DAB1: variants seen among roughly 807,000 people sequenced by gnomAD.
DAB1 encodes disabled homolog 1.
In DAB1, 15 loss-of-function variants were observed where a neutral mutation model predicts 64.6. The ratio of observed to expected loss-of-function variants is 0.23; its 90% confidence interval spans 0.16 to 0.36. The LOEUF (loss-of-function observed/expected upper bound fraction) is 0.36, where lower values mean the gene tolerates loss of function less well. DAB1 is among the 10% of genes least tolerant of loss of function. The pLI, the probability that DAB1 is intolerant of heterozygous loss-of-function variation, is 1.00. For synonymous variants in DAB1, 235 were observed against 251.9 expected (o/e 0.93, Z 0.64); for missense variants, 596 against 706.7 (o/e 0.84, Z 1.78).
intron 4 of DAB1, among the ~76,000 whole-genome samples, chr1:58,209,309 T>A (rs955921046): frequency 6.6e-6 from 1 of 152,136 alleles, no homozygotes; most frequent in African/African-American, 2.4e-5. Context: ...AGGAAACAAA[T>A]TAATCGTCTT....
chr1:57,987,627 C>T (rs1646251622), intron 5 of DAB1, among the ~76,000 whole-genome samples: 1 of 152,084 alleles, frequency 6.6e-6, no homozygotes, highest in Admixed American at 6.6e-5. Context: ...TAAGAGAGGT[C>T]CAAAGGAATG....
intron 2 of DAB1, among the ~76,000 whole-genome samples, chr1:57,214,319 A>G (rs1666246807): frequency 6.6e-6 from 1 of 152,196 alleles, no homozygotes; most frequent in Non-Finnish European, 1.5e-5. Flanking sequence ...CCACCACTTA[A>G]TACCATCACA....
intron 6 of DAB1, among the ~76,000 whole-genome samples, chr1:57,784,713 G>A (rs1474354079): frequency 1.3e-5 from 2 of 152,194 alleles, no homozygotes; most frequent in East Asian, 3.9e-4. Flanking sequence ...TGGTTCCTGA[G>A]GTTTAAGGAA....
rs994113127 is a variant in DAB1, at chr1:57,234,638, C to T, written c.67+56326G>A. ...TTAACACCCATTTATTGTTTCATAG[C>T]TCTGTAGGTCAAAAGTCCAGGCAGG... On this transcript the variant is annotated intron_variant, in intron 2 of 14. Transcript: ENST00000371236. Among the ~76,000 whole-genome samples, 9 of 152,266 alleles carry T rather than the reference C, an allele frequency of 5.9e-5. No homozygotes were observed. In the East Asian group the frequency reaches 1.7e-3, roughly 29 times the overall value.
Position 57,044,196 on chromosome 1 carries a change from T to C in DAB1, c.724-18153A>G, listed in dbSNP as rs1194524599. 2.0e-5 allele frequency among the ~76,000 whole-genome samples: 3 copies of C among 152,220 alleles called. 1 individual carries two copies. The highest frequency in any genetic ancestry group is 1.5e-5 in the Non-Finnish European group (1 of 68,032). On this transcript the variant is annotated intron_variant, in intron 9 of 14. Coordinates refer to ENST00000371236, the MANE Select transcript of DAB1 (RefSeq NM_001365792.1). Reference sequence around the variant, plus strand: ...TTGTTCATTGCCTTGTTTGGTTTTGTTTCAAGCACTCACTGCTCTGTTTGT... The same window carrying C: ...TTGTTCATTGCCTTGTTTGGTTTTGCTTCAAGCACTCACTGCTCTGTTTGT...
chr1:58,509,526 A>C (rs1646039911), intron 2 of DAB1, among the ~76,000 whole-genome samples: 1 of 148,964 alleles, frequency 6.7e-6, no homozygotes, highest in Admixed American at 6.7e-5. Flanking sequence ...ATAATGATAA[A>C]CACCTACATT....
At chr1:57,205,668 G>C (rs1174638437) in intron 2 of DAB1, among the ~76,000 whole-genome samples, 1 of 152,260 alleles carries the variant, frequency 6.6e-6, no homozygotes, top group Non-Finnish European at 1.5e-5. Flanking sequence ...TCGTCTTACA[G>C]AAGAGAAAAC....
chr1:57,182,011 G>A (rs553755281), intron 2 of DAB1, among the ~76,000 whole-genome samples: 3 of 152,138 alleles, frequency 2.0e-5, no homozygotes, highest in East Asian at 1.9e-4. Context: ...TCAGCCTCCC[G>A]AGTAGCTGGG....
At chr1:57,486,963 A>C (rs2101260798) in intron 7 of DAB1, among the ~76,000 whole-genome samples, 1 of 152,234 alleles carries the variant, frequency 6.6e-6, no homozygotes, top group South Asian at 2.1e-4. Flanking sequence ...AAAATTAAAA[A>C]AAAAAAGAAA....
At chr1:57,779,452 A>C (rs1312064887) in intron 6 of DAB1, among the ~76,000 whole-genome samples, 1 of 152,174 alleles carries the variant, frequency 6.6e-6, no homozygotes, top group East Asian at 1.9e-4. Context: ...TGCCATGGAA[A>C]GAATCATTAC....
At chr1:58,121,113 C>A (rs1033059014) in intron 5 of DAB1, among the ~76,000 whole-genome samples, 1 of 152,056 alleles carries the variant, frequency 6.6e-6, no homozygotes, top group Admixed American at 6.6e-5. Flanking sequence ...AAAATGGGAT[C>A]TTTGATTTTT....
chr1:57,620,537 G>A (rs957491737), intron 7 of DAB1, among the ~76,000 whole-genome samples: 9 of 152,208 alleles, frequency 5.9e-5, no homozygotes, highest in African/African-American at 7.2e-5. Flanking sequence ...GGATAAACCC[G>A]CAGATACAAC....
chr1:58,361,602 T>C (rs1451891865), intron 3 of DAB1, among the ~76,000 whole-genome samples: 2 of 152,296 alleles, frequency 1.3e-5, no homozygotes, highest in South Asian at 2.1e-4. Context: ...GTGTATAGGT[T>C]CGGGGACTTT....
intron 4 of DAB1, among the ~76,000 whole-genome samples, chr1:58,212,210 G>A (rs1360245383): frequency 6.6e-6 from 1 of 152,186 alleles, no homozygotes; most frequent in Non-Finnish European, 1.5e-5. Context: ...TCTTACAGCA[G>A]CAGAGAAGAA....
chr1:57,863,680 G>A (rs772722897), intron 1 of DAB1, among the ~76,000 whole-genome samples: 9 of 152,136 alleles, frequency 5.9e-5, no homozygotes, highest in Non-Finnish European at 1.3e-4. Flanking sequence ...GAACAGAGGT[G>A]TTATGGAAAT....
At chr1:58,292,009 T>C (rs1009572221) in intron 4 of DAB1, among the ~76,000 whole-genome samples, 12 of 152,332 alleles carry the variant, frequency 7.9e-5, no homozygotes, top group Middle Eastern at 3.4e-3. Flanking sequence ...ATTCAATCCA[T>C]TGAGGCCTTG....
intron 5 of DAB1, among the ~76,000 whole-genome samples, chr1:58,096,946 T>C (rs1651020180): frequency 6.6e-6 from 1 of 152,232 alleles, no homozygotes; most frequent in African/African-American, 2.4e-5. Context: ...ATAGTAAGTA[T>C]TGCCATGGAG....
At chr1:57,852,921 T>C (rs1163375231) in intron 1 of DAB1, among the ~76,000 whole-genome samples, 2 of 152,140 alleles carry the variant, frequency 1.3e-5, no homozygotes, top group Non-Finnish European at 2.9e-5. Context: ...TGACACATAA[T>C]TTGTGCTCAA....
At chr1:57,121,978 C>T (rs1364651380) in intron 4 of DAB1, among the ~76,000 whole-genome samples, 2 of 152,110 alleles carry the variant, frequency 1.3e-5, no homozygotes, top group Admixed American at 1.3e-4. Context: ...TTCATAGCCC[C>T]TCCGATATTT....
Sources: gnomAD v4.1 joint callset for allele counts (sites outside exome capture counted in the v4.1 genomes callset) on GRCh38, gnomAD v4.1.1 for gene constraint, MANE v1.5 for transcripts, NCBI Gene and HGNC (gene_info 2026-07-23, HGNC 2026-07-21) for gene names.